The following STK32C variants were observed in gnomAD, a reference collection of about 807,000 sequenced individuals.
STK32C encodes the protein serine/threonine kinase 32C, also known as serine/threonine-protein kinase 32C.
In STK32C, 31 loss-of-function variants were observed where a neutral mutation model predicts 56.5. The observed-to-expected ratio is 0.55, with a 90% CI of 0.41 to 0.74. STK32C has a LOEUF of 0.74. Ranked by LOEUF, STK32C falls within the 30% of genes least tolerant of loss-of-function variation. STK32C has a pLI of 0.00. For missense variants in STK32C, 544 were observed against 676.9 expected, an observed-to-expected ratio of 0.80 and a Z score of 2.18; for synonymous variants, 309 against 289.4, an observed-to-expected ratio of 1.07 and a Z score of -0.69.
intron 1 of STK32C, among the ~76,000 whole-genome samples, chr10:132,295,365 T>A (rs1179634899): frequency 1.3e-5 from 2 of 151,832 alleles, no homozygotes; most frequent in Non-Finnish European, 2.9e-5. Flanking sequence ...TGCCCGAATG[T>A]GAGAAAGTGA....
intron 10 of STK32C, among the ~76,000 whole-genome samples, chr10:132,210,101 G>T (rs898409865): frequency 1.3e-5 from 2 of 152,212 alleles, no homozygotes; most frequent in Admixed American, 6.5e-5. Flanking sequence ...CCCCCCATGC[G>T]ATTGGCCAGT....
At chr10:132,308,388 C>A (rs1479831851), upstream of STK32C, among the ~76,000 whole-genome samples, 1 of 152,170 alleles carries the variant, frequency 6.6e-6, no homozygotes, top group Non-Finnish European at 1.5e-5. Flanking sequence ...CTGCCTTCTT[C>A]GTGAAAACAG....
At chr10:132,328,749 C>T (rs957769856) in intron 1 of STK32C, among the ~76,000 whole-genome samples, 18 of 152,214 alleles carry the variant, frequency 1.2e-4, no homozygotes, top group East Asian at 3.8e-4. Flanking sequence ...TTTGCAAAGG[C>T]GGTTTCACTT....
intron 1 of STK32C, among the ~76,000 whole-genome samples, chr10:132,275,669 G>A (rs7084346): frequency 6.6e-6 from 1 of 152,158 alleles, no homozygotes. Flanking sequence ...CGTCACTGAC[G>A]CATCATGCCG....
rs541537211 is a variant in STK32C at position 132,249,324 on chromosome 10, CAAG to C, written c.263-3372_263-3370del. On this transcript the variant is annotated intron_variant, in intron 1 of 11. Transcript: ENST00000298630. Reference sequence around the variant, plus strand: ...AACTGTCCCTGCTTCCTAAGACTGACAAGGAGGGCAGCCACAGGGACACCAAGG... The same window carrying C: ...AACTGTCCCTGCTTCCTAAGACTGACGAGGGCAGCCACAGGGACACCAAGG... Among the ~76,000 whole-genome samples the C allele has an allele frequency of 5.4e-3, 815 of 152,242 alleles. 7 individuals are homozygous for C. Among genetic ancestry groups the C allele is most frequent in the African/African-American group, 0.019 (779 of 41,544 alleles).
intron 10 of STK32C, among the ~76,000 whole-genome samples, chr10:132,211,204 G>A (rs913445430): frequency 5.9e-5 from 9 of 152,188 alleles, no homozygotes; most frequent in African/African-American, 2.2e-4. Context: ...GATATAGACA[G>A]ACAAGTCTGC....
At chr10:132,327,529 G>A (rs1590523187) in intron 1 of STK32C, among the ~76,000 whole-genome samples, 1 of 151,868 alleles carries the variant, frequency 6.6e-6, no homozygotes, top group East Asian at 1.9e-4. Context: ...AGGCTGGAGT[G>A]CAGTGGCATG....
chr10:132,278,738 C>T (rs1388866717), intron 1 of STK32C, among the ~76,000 whole-genome samples: 34 of 132,178 alleles, frequency 2.6e-4, no homozygotes, highest in African/African-American at 9.7e-4. Flanking sequence ...CCAGCCTGGG[C>T]GACAGAGCGA....
intron 2 of STK32C, among the ~76,000 whole-genome samples, chr10:132,233,204 G>A (rs7076997): frequency 0.3 from 45,252 of 152,080 alleles, 7,289 homozygotes; most frequent in Admixed American, 0.42. Flanking sequence ...GTCTGCAGCG[G>A]CTGAAGAAGG....
chr10:132,226,774 C>G, intron 4 of STK32C, 21 bp downstream of exon 4: 2 of 1,607,376 alleles, frequency 1.2e-6, no homozygotes, highest in Non-Finnish European at 1.7e-6. Flanking sequence ...CAGGTACCTG[C>G]GCCGTCTGCC....
chr10:132,211,760 G>A (rs111411258), intron 10 of STK32C, among the ~76,000 whole-genome samples: 98 of 152,294 alleles, frequency 6.4e-4, no homozygotes, highest in Non-Finnish European at 1.2e-3. Context: ...GTGTTTGAGA[G>A]CCCAGCTCCC....
At chr10:132,285,329 G>A (rs910438675) in intron 1 of STK32C, among the ~76,000 whole-genome samples, 1 of 152,204 alleles carries the variant, frequency 6.6e-6, no homozygotes, top group Admixed American at 6.5e-5. Flanking sequence ...TTAACAGATG[G>A]AAACACAGAG....
exon 1 of STK32C, chr10:132,331,774 C>A (rs2138535810): frequency 1.2e-6 from 2 of 1,608,964 alleles, no homozygotes; most frequent in Middle Eastern, 3.3e-4. Flanking sequence ...AGGCCGGTCG[C>A]CCCTCCAGAC....
rs2064166115 is a variant in STK32C at position 132,257,570 on chromosome 10, TC to T, written c.263-11616del. Among the ~76,000 whole-genome samples, 4 of 152,004 alleles carry T rather than the reference TC, an allele frequency of 2.6e-5. No individual in the cohort carries two copies. In the South Asian group the frequency reaches 8.3e-4, roughly 32 times the overall value. ...GAGTGGGTGGCAGGATGCTGCCTGT[TC>T]TGGCACAGAAAGCCACATCACCCCT... On this transcript the variant is annotated intron_variant, in intron 1 of 11. Coordinates refer to ENST00000298630, the MANE Select transcript of STK32C (RefSeq NM_173575.4).
At chr10:132,228,676 A>T (rs994741382) in intron 2 of STK32C, among the ~76,000 whole-genome samples, 1 of 152,244 alleles carries the variant, frequency 6.6e-6, no homozygotes, top group Non-Finnish European at 1.5e-5. Context: ...AGCAGCAAGC[A>T]GCCCGGAGGG....
chr10:132,240,819 G>A (rs1293517051), intron 2 of STK32C, among the ~76,000 whole-genome samples: 6 of 152,012 alleles, frequency 3.9e-5, no homozygotes, highest in East Asian at 1.9e-4. Context: ...GTCAAGGGGC[G>A]GGGCTGCACC....
At chr10:132,312,734 G>A (rs1375836854), upstream of STK32C, among the ~76,000 whole-genome samples, 1 of 152,134 alleles carries the variant, frequency 6.6e-6, no homozygotes, top group Non-Finnish European at 1.5e-5. Flanking sequence ...GGAAACTCCA[G>A]AAAAACCTTA....
chr10:132,330,724 G>C (rs1009620548), intron 1 of STK32C, among the ~76,000 whole-genome samples: 4 of 144,894 alleles, frequency 2.8e-5, no homozygotes, highest in African/African-American at 1.0e-4. Flanking sequence ...TGCCCAGGCT[G>C]GTCTCCAACT....
At chr10:132,253,747 C>A (rs538227363) in intron 1 of STK32C, among the ~76,000 whole-genome samples, 26 of 152,236 alleles carry the variant, frequency 1.7e-4, no homozygotes, top group Non-Finnish European at 3.5e-4. Context: ...CGGCTCGAGG[C>A]GAGAGATGGC....
Sources: gnomAD v4.1 joint callset for allele counts (sites outside exome capture counted in the v4.1 genomes callset) on GRCh38, gnomAD v4.1.1 for gene constraint, MANE v1.5 for transcripts, NCBI Gene and HGNC (gene_info 2026-07-23, HGNC 2026-07-21) for gene names.